ATP7A: variants seen among roughly 807,000 people sequenced by gnomAD.
The protein encoded by ATP7A is copper-transporting ATPase 1.
Under a neutral mutation model 83.5 loss-of-function variants are expected in ATP7A, and 7 were observed. The observed-to-expected ratio is 0.08, with a 90% confidence interval of 0.05 to 0.16. ATP7A has a LOEUF of 0.16. ATP7A is among the 10% of genes least tolerant of loss of function. The probability of loss-of-function intolerance (pLI) is 1.00; values close to 1 mark genes in which losing one functional copy is unlikely to be tolerated. For synonymous variants in ATP7A, 354 were observed against 395.2 expected, an observed-to-expected ratio of 0.90 and a Z score of 1.24; for missense variants, 940 against 1,120.8, an observed-to-expected ratio of 0.84 and a Z score of 2.30.
chrX:78,037,328 A>C (rs2078019661), intron 17 of ATP7A, among the ~76,000 whole-genome samples: 1 of 112,431 alleles, frequency 8.9e-6, no homozygotes, highest in African/African-American at 3.2e-5. Flanking sequence ...GTTAATTTAC[A>C]TTTAATTTAA....
At chrX:78,031,007 A>G (rs1201507488) in intron 15 of ATP7A, among the ~76,000 whole-genome samples, 2 of 111,154 alleles carry the variant, frequency 1.8e-5, no homozygotes, top group Non-Finnish European at 3.8e-5. Context: ...CTTTATTCTT[A>G]TAATCATTTC....
intron 1 of ATP7A, among the ~76,000 whole-genome samples, chrX:77,940,554 G>T (rs1455570727): frequency 9.0e-6 from 1 of 111,012 alleles, no homozygotes; most frequent in Non-Finnish European, 1.9e-5. Flanking sequence ...TGTAAGTTGA[G>T]GTAAGGAAGG....
At chrX:78,041,109 A>G (rs2078044834) in intron 19 of ATP7A, among the ~76,000 whole-genome samples, 2 of 110,575 alleles carry the variant, frequency 1.8e-5, no homozygotes, top group Admixed American at 1.9e-4. Context: ...CCTAAATACC[A>G]CCACCAATGG....
chrX:78,046,888 C>A lies in ATP7A; in HGVS notation c.*318C>A, dbSNP rs1235485865. The A allele has an allele frequency of 1.3e-3, 174 of 132,910 alleles. 2 individuals carry two copies. The highest frequency in any genetic ancestry group is 2.8e-3 in the South Asian group (10 of 3,529). The allele number at this position is 132,910 out of a possible 1,213,427, so 11.0% of individuals were successfully genotyped here. ...TAAAGTGATTTTTTTTTTATTTGACCAAAAAAAAAAAGGCCCAAGAAGAAG... is the reference window on the plus strand; with the variant it reads ...TAAAGTGATTTTTTTTTTATTTGACAAAAAAAAAAAAGGCCCAAGAAGAAG... On this transcript the variant is annotated 3_prime_UTR_variant, in exon 23 of 23. Coordinates refer to ENST00000341514, the MANE Select transcript of ATP7A (RefSeq NM_000052.7).
At chrX:78,017,805 C>T (rs1421703951) in intron 12 of ATP7A, among the ~76,000 whole-genome samples, 1 of 73,533 alleles carries the variant, frequency 1.4e-5, no homozygotes, top group Non-Finnish European at 2.3e-5. Flanking sequence ...GAGACGGAGT[C>T]TCGCTCTGTC....
chrX:77,969,653 A>G (rs2149072508), intron 1 of ATP7A: 3 of 1,209,024 alleles, frequency 2.5e-6, no homozygotes, highest in South Asian at 1.8e-5. Context: ...GTGGGCTGCA[A>G]TACTTTTTAT....
At position 78,043,344 on chromosome X, in the gene ATP7A, A is replaced by G. The variant is rs2078061992; in HGVS notation, c.4033A>G (p.Ile1345Val). 5.8e-6 allele frequency: 7 copies of G among 1,203,906 alleles called. 1 individual carries two copies. In the East Asian group the frequency reaches 1.8e-4, roughly 31 times the overall value. The part of the protein sequence containing the change: ...RNDLLDVVAS[I>V]DLSRKTVKRI... ...TGATCTTCTGGATGTAGTGGCAAGT[A>G]TTGACTTATCAAGAAAGACAGTCAA... Residue 1345 changes from isoleucine to valine, a missense_variant, in exon 21 of 23, where the codon ATT (isoleucine) becomes GTT (valine). Physicochemically the swap from Ile to Val is conservative, Grantham distance 29. Around this residue, in one of 3 missense-constraint regions of ATP7A, gnomAD observed 386 missense variants for 502.2 expected, o/e 0.77. Transcript: ENST00000341514.
At chrX:78,042,981 A>G (rs932573833) in intron 20 of ATP7A, among the ~76,000 whole-genome samples, 193 bp downstream of exon 20, 1 of 112,417 alleles carries the variant, frequency 8.9e-6, no homozygotes, top group Non-Finnish European at 1.9e-5. Flanking sequence ...CCCAGCTCAT[A>G]AGCAAGTGAG....
intron 2 of ATP7A, among the ~76,000 whole-genome samples, chrX:77,978,192 G>A (rs1557230537): frequency 9.0e-6 from 1 of 111,731 alleles, no homozygotes. Context: ...TATTGGAATG[G>A]CCATGAGCTT....
intron 2 of ATP7A, among the ~76,000 whole-genome samples, chrX:77,979,740 T>A (rs1362997162): frequency 8.9e-6 from 1 of 112,567 alleles, no homozygotes; most frequent in African/African-American, 3.2e-5. Context: ...AACAGATTAA[T>A]TAACAGAATT....
At chrX:78,040,812 C>T (rs1285381304) in intron 19 of ATP7A, 79 bp downstream of exon 19, 3 of 1,080,468 alleles carry the variant, frequency 2.8e-6, no homozygotes, top group Non-Finnish European at 3.8e-6. Flanking sequence ...AAGAAATTTA[C>T]ATTACCTACT....
In ATP7A at chrX:77,989,465, C is replaced by A. The variant is rs1039952708; in HGVS notation, c.843C>A (p.Phe281Leu). 4 of 1,211,736 alleles carry A rather than the reference C, an allele frequency of 3.3e-6. No individual in the cohort carries two copies. The Admixed American group carries it at 6.5e-5, about 20-fold the overall frequency. ...ATACCAATGATTCAACAGCCACTTT[C>A]ATCATTGATGGCATGCATTGTAAAT... is the stretch of plus-strand genomic sequence containing the variant. ...PSYTNDSTAT[F>L]IIDGMHCKSC... Residue 281 changes from phenylalanine (F) to leucine (L), a missense_variant, in exon 4 of 23, where the codon TTC becomes TTA. Transcript: ENST00000341514.
At chrX:78,040,029 C>T (rs2078037406) in intron 18 of ATP7A, among the ~76,000 whole-genome samples, 1 of 111,338 alleles carries the variant, frequency 9.0e-6, no homozygotes, top group Admixed American at 9.6e-5. Flanking sequence ...ATTAATTCCA[C>T]TCTACATTTA....
Position 78,046,335 on chromosome X carries a change from G to A in ATP7A, c.4268G>A (p.Arg1423Gln), listed in dbSNP as rs368091927. ...PTYESYELPARSQIGQKSPSE... is the reference protein window; with the variant it reads ...PTYESYELPAQSQIGQKSPSE... ...TACGAGAGTTATGAACTGCCTGCCC[G>A]GAGCCAGATAGGACAGAAGAGTCCT... The change falls in exon 23 of 23, where the codon CGG becomes CAG. Residue 1423 changes from arginine to glutamine, a missense_variant. This residue lies in a region of ATP7A where 386 missense variants were observed against 502.2 expected (regional missense o/e 0.77). Transcript: ENST00000341514. The A allele has an allele frequency of 7.4e-6, 9 of 1,211,489 alleles. No homozygotes were observed. Among genetic ancestry groups the A allele is most frequent in the African/African-American group, 3.5e-5 (2 of 57,836 alleles).
At chrX:77,954,785 A>G (rs2077432004) in intron 1 of ATP7A, among the ~76,000 whole-genome samples, 1 of 111,756 alleles carries the variant, frequency 8.9e-6, no homozygotes, top group African/African-American at 3.2e-5. Flanking sequence ...GAAATCATCT[A>G]TTTATTTAAT....
In ATP7A at chrX:78,049,329, G is replaced by T. The variant is rs1380577940; in HGVS notation, c.*2759G>T. Reference sequence around the variant, plus strand: ...ACATATTACCATACTGAAGGGAAATGGATTTATATTTGAATTTGATATTTG... The same window carrying T: ...ACATATTACCATACTGAAGGGAAATTGATTTATATTTGAATTTGATATTTG... On this transcript the variant is annotated 3_prime_UTR_variant, in exon 23 of 23. Coordinates refer to ENST00000341514, the MANE Select transcript of ATP7A (RefSeq NM_000052.7). 2.7e-5 allele frequency: 3 copies of T among 111,815 alleles called. No homozygotes were observed. The Admixed American group carries it at 2.9e-4, about 11-fold the overall frequency. The allele number at this position is 111,815 out of a possible 1,213,427, so 9.2% of individuals were successfully genotyped here.
At chrX:78,019,738 A>G (rs1603386872) in intron 12 of ATP7A, among the ~76,000 whole-genome samples, 1 of 111,007 alleles carries the variant, frequency 9.0e-6, no homozygotes, top group Non-Finnish European at 1.9e-5. Context: ...TGCTAGGATT[A>G]CAGGCATGAG....
chrX:77,931,554 C>T (rs1167892810), intron 1 of ATP7A, among the ~76,000 whole-genome samples: 5 of 112,202 alleles, frequency 4.5e-5, no homozygotes, highest in Non-Finnish European at 7.5e-5. Context: ...GGGTGGTGGC[C>T]GGGCAGAGGG....
At chrX:77,966,159 A>G (rs1284343548) in intron 1 of ATP7A, among the ~76,000 whole-genome samples, 3 of 112,404 alleles carry the variant, frequency 2.7e-5, no homozygotes, top group Non-Finnish European at 5.6e-5. Context: ...CGTGAACTAC[A>G]TCTCAAGAAT....
Sources: gnomAD v4.1 joint callset for allele counts (sites outside exome capture counted in the v4.1 genomes callset) on GRCh38, gnomAD v4.1.1 for gene constraint, gnomAD v4.1.1 regional missense constraint, MANE v1.5 for transcripts, NCBI Gene and HGNC (gene_info 2026-07-23, HGNC 2026-07-21) for gene names.